Variants in NAAA observed in about 807,000 individuals in gnomAD.
NAAA encodes the protein N-acylethanolamine acid amidase.
Under a neutral mutation model 44.8 loss-of-function variants are expected in NAAA, and 39 were observed. The observed-to-expected ratio is 0.87, with a 90% CI of 0.67 to 1.14. NAAA has a LOEUF of 1.14. Ranked by LOEUF, NAAA falls within the 50% of genes most tolerant of loss-of-function variation. NAAA has a pLI of 0.00. For missense variants in NAAA, 460 were observed against 467.8 expected (o/e 0.98, Z 0.15); for synonymous variants, 178 against 191.3 (o/e 0.93, Z 0.58).
chr4:75,938,322 T>C (rs1478028791), intron 2 of NAAA, among the ~76,000 whole-genome samples: 4 of 152,236 alleles, frequency 2.6e-5, no homozygotes, highest in Non-Finnish European at 5.9e-5. Flanking sequence ...AGAATGTTTT[T>C]ACTAGAACTT....
intron 3 of NAAA, chr4:75,935,807 TG>T: frequency 2.3e-6 from 1 of 434,530 alleles, no homozygotes; most frequent in Non-Finnish European, 4.0e-6. Context: ...AGCCTGGGCA[TG>T]GGAAAGCAGA....
chr4:75,919,741 G>C, intron 8 of NAAA, 168 bp downstream of exon 8: 4 of 667,926 alleles, frequency 6.0e-6, no homozygotes, highest in East Asian at 2.7e-5. Flanking sequence ...GCCTCCCAAA[G>C]TGCTGGGATT....
intron 3 of NAAA, among the ~76,000 whole-genome samples, chr4:75,933,987 G>T (rs915049053): frequency 6.6e-6 from 1 of 151,370 alleles, no homozygotes; most frequent in East Asian, 2.0e-4. Flanking sequence ...CCGAGATCGC[G>T]CCACTGCACT....
downstream of NAAA, chr4:75,911,212 C>G (rs1258452654): frequency 1.6e-5 from 7 of 448,088 alleles, no homozygotes; most frequent in South Asian, 1.2e-4. Flanking sequence ...TCAGTTAAGG[C>G]AGGAACTGGC....
chr4:75,934,695 C>T (rs1727557486), intron 3 of NAAA, among the ~76,000 whole-genome samples: 2 of 152,144 alleles, frequency 1.3e-5, no homozygotes, highest in South Asian at 4.1e-4. Context: ...ATAACCTGTT[C>T]TTAATTTCAT....
At chr4:75,934,692 G>T (rs1417493684) in intron 3 of NAAA, among the ~76,000 whole-genome samples, 1 of 152,114 alleles carries the variant, frequency 6.6e-6, no homozygotes, top group Non-Finnish European at 1.5e-5. Context: ...TGGATAACCT[G>T]TTCTTAATTT....
chr4:75,921,011 AC>A lies in NAAA; in HGVS notation c.778del (p.Val260SerfsTer15). On this transcript the variant is annotated frameshift_variant, in exon 6 of 11. Coordinates refer to ENST00000286733, the MANE Select transcript of NAAA (RefSeq NM_014435.4). LOFTEE classifies it high-confidence loss of function. ...TGGGCCATCTCTGTTCCTCGTGATG[AC>A]CACCCCCTCCCGGGGGGACGTGCCA... Reference protein sequence around the residue: ...VGGTSPREGVVITRNRDGPAD... With the variant: ...VGGTSPREGVXITRNRDGPAD... 6.2e-7 allele frequency: 1 copy of A among 1,610,946 alleles called. No homozygotes were observed. Among genetic ancestry groups the A allele is most frequent in the African/African-American group, 1.3e-5 (1 of 74,710 alleles).
At chr4:75,917,337 A>G (rs1164686954) in intron 9 of NAAA, 3 of 153,002 alleles carry the variant, frequency 2.0e-5, no homozygotes, top group African/African-American at 7.2e-5. Context: ...AACAAATGCT[A>G]CAAATTTGGG....
rs1046578581 is a variant in NAAA, at chr4:75,914,126, A to G, written c.*249T>C. ...TATTCAGGCCAGGATAGAAGCTTAG[A>G]GAGGATCGAGGCAAACCATGAAGGG... is the stretch of plus-strand genomic sequence containing the variant. On this transcript the variant is annotated 3_prime_UTR_variant, in exon 11 of 11. Transcript: ENST00000286733. 3.0e-6 allele frequency: 3 copies of G among 985,718 alleles called. No homozygotes were observed. In the East Asian group the frequency reaches 3.4e-4, roughly 112 times the overall value. 61.1% of individuals were successfully genotyped at this position (985,718 alleles called of 1,614,324 possible).
intron 4 of NAAA, among the ~76,000 whole-genome samples, chr4:75,927,940 G>C (rs927741927): frequency 7.2e-5 from 11 of 152,174 alleles, no homozygotes; most frequent in Non-Finnish European, 1.2e-4. Context: ...GTGATTATAT[G>C]AATGTAACAC....
intron 5 of NAAA, among the ~76,000 whole-genome samples, chr4:75,922,968 C>G (rs940174041): frequency 6.6e-6 from 1 of 151,934 alleles, no homozygotes; most frequent in Admixed American, 6.6e-5. Context: ...GCAAATGCAT[C>G]TATCTCAGGA....
intron 9 of NAAA, chr4:75,917,092 A>G (rs938559278): frequency 5.2e-6 from 5 of 956,172 alleles, no homozygotes; most frequent in Non-Finnish European, 6.2e-6. Flanking sequence ...TATATTCATC[A>G]CTTCTATAAT....
chr4:75,933,476 T>C (rs945314762), intron 3 of NAAA, among the ~76,000 whole-genome samples: 1 of 151,866 alleles, frequency 6.6e-6, no homozygotes, highest in South Asian at 2.1e-4. Flanking sequence ...ATATGGAAAA[T>C]AAAAAGTAAT....
chr4:75,918,937 G>A, intron 8 of NAAA, 148 bp from the exon 9 acceptor site: 1 of 685,306 alleles, frequency 1.5e-6, no homozygotes, highest in Non-Finnish European at 2.6e-6. Flanking sequence ...AAGCCCAGGA[G>A]TTCAAGACCA....
rs762906664 is a variant in NAAA, at chr4:75,931,203, G to T, written c.589+11C>A. 2.5e-6 allele frequency: 4 copies of T among 1,609,218 alleles called. No homozygotes were observed. The South Asian group carries it at 3.3e-5, about 13-fold the overall frequency. On this transcript the variant is annotated intron_variant, in intron 4 of 10. Transcript: ENST00000286733. The stretch of plus-strand genomic sequence containing the variant: ...TGTAGCTAAAATTACACAGGGGTTT[G>T]TTTTGATTACCTCGTTCATCACCAG...
At chr4:75,937,554 C>T (rs940835305) in intron 2 of NAAA, among the ~76,000 whole-genome samples, 2 of 152,100 alleles carry the variant, frequency 1.3e-5, no homozygotes, top group Admixed American at 6.6e-5. Context: ...GGTGCAATGT[C>T]GGCTCACTGC....
At chr4:75,928,527 A>G (rs1345056525) in intron 4 of NAAA, among the ~76,000 whole-genome samples, 5 of 152,156 alleles carry the variant, frequency 3.3e-5, no homozygotes, top group Admixed American at 3.3e-4. Flanking sequence ...AGATTTGAGT[A>G]GAGGCAGAGT....
Position 75,920,933 on chromosome 4 carries a change from G to C in NAAA, c.839+18C>G. ...GATTATCTGATACAAAATGACCAGA[G>C]CTTTCAATTCTACTTACGCTCCATT... On this transcript the variant is annotated intron_variant, in intron 6 of 10. Coordinates refer to ENST00000286733, the MANE Select transcript of NAAA (RefSeq NM_014435.4). 1.2e-6 allele frequency: 2 copies of C among 1,613,646 alleles called. No individual in the cohort carries two copies. Among genetic ancestry groups the C allele is most frequent in the Admixed American group, 1.7e-5 (1 of 59,846 alleles).
In NAAA at chr4:75,934,579, G is replaced by A. The variant is rs377513264; in HGVS notation, c.498+1530C>T. Among the ~76,000 whole-genome samples, 39 of 150,830 alleles carry A rather than the reference G, an allele frequency of 2.6e-4. 1 individual carries two copies. The highest frequency in any genetic ancestry group is 9.0e-4 in the African/African-American group (37 of 41,054). Reference sequence around the variant, plus strand: ...CCTGACCTCGTGATTCGCCTGCCTCGGCCTCCCAAAGTGTTGGGATTACAG... The same window carrying A: ...CCTGACCTCGTGATTCGCCTGCCTCAGCCTCCCAAAGTGTTGGGATTACAG... On this transcript the variant is annotated intron_variant, in intron 3 of 10. Coordinates refer to ENST00000286733, the MANE Select transcript of NAAA (RefSeq NM_014435.4).
Sources: allele counts gnomAD v4.1 joint callset (sites outside exome capture counted in the v4.1 genomes callset), GRCh38; gene constraint gnomAD v4.1.1; transcripts MANE v1.5; gene names NCBI Gene and HGNC (gene_info 2026-07-23, HGNC 2026-07-21).